Variants in PLPPR1 observed in about 807,000 individuals in gnomAD.
The protein encoded by PLPPR1 is phospholipid phosphatase-related protein type 1.
Under a neutral mutation model 33.1 loss-of-function variants are expected in PLPPR1, and 10 were observed. The observed-to-expected ratio is 0.30, with a 90% confidence interval of 0.19 to 0.51. The LOEUF (loss-of-function observed/expected upper bound fraction) is 0.51. Ranked by LOEUF, PLPPR1 falls within the 20% of genes least tolerant of loss-of-function variation. PLPPR1 has a pLI of 0.97. For missense variants in PLPPR1, 304 were observed against 408.1 expected, an observed-to-expected ratio of 0.74 and a Z score of 2.20; for synonymous variants, 151 against 151.0, an observed-to-expected ratio of 1.00 and a Z score of 0.00.
intron 1 of PLPPR1, among the ~76,000 whole-genome samples, chr9:101,075,164 T>G (rs933686083): frequency 6.6e-6 from 1 of 152,214 alleles, no homozygotes; most frequent in Non-Finnish European, 1.5e-5. Flanking sequence ...GAAAACTGAA[T>G]TTTTCAAGTA....
intron 1 of PLPPR1, among the ~76,000 whole-genome samples, chr9:101,123,491 A>T (rs1215016324): frequency 6.6e-6 from 1 of 152,168 alleles, no homozygotes; most frequent in African/African-American, 2.4e-5. Context: ...TGGCGGAGTC[A>T]AAGGATTGAG....
At chr9:101,079,720 C>T (rs1362494733) in intron 1 of PLPPR1, among the ~76,000 whole-genome samples, 1 of 152,034 alleles carries the variant, frequency 6.6e-6, no homozygotes, top group Non-Finnish European at 1.5e-5. Context: ...GCTGGGATTA[C>T]AGGTGTGCGC....
intron 3 of PLPPR1, among the ~76,000 whole-genome samples, chr9:101,277,642 T>C (rs946257432): frequency 8.5e-5 from 13 of 152,176 alleles, no homozygotes; most frequent in African/African-American, 2.9e-4. Context: ...AGGGATCCTG[T>C]AGTAAAACTT....
intron 2 of PLPPR1, among the ~76,000 whole-genome samples, chr9:101,220,196 T>A (rs1456688053): frequency 6.6e-6 from 1 of 152,212 alleles, no homozygotes; most frequent in African/African-American, 2.4e-5. Flanking sequence ...CTTTGCCAAA[T>A]GTCCACTGAG....
At chr9:101,263,446 C>A (rs1412565862) in intron 2 of PLPPR1, among the ~76,000 whole-genome samples, 1 of 152,146 alleles carries the variant, frequency 6.6e-6, no homozygotes, top group Non-Finnish European at 1.5e-5. Context: ...CAACTTCTTG[C>A]TGATGCTAGC....
chr9:101,093,997 C>T (rs1046018545), intron 1 of PLPPR1, among the ~76,000 whole-genome samples: 1 of 152,204 alleles, frequency 6.6e-6, no homozygotes, highest in African/African-American at 2.4e-5. Flanking sequence ...CTCCCATCTG[C>T]AGCTCTCCTG....
intron 1 of PLPPR1, among the ~76,000 whole-genome samples, chr9:101,092,995 C>T (rs1379481874): frequency 6.6e-6 from 1 of 152,140 alleles, no homozygotes; most frequent in Non-Finnish European, 1.5e-5. Flanking sequence ...AATCTAATAG[C>T]ACTGTGGTCT....
intron 1 of PLPPR1, among the ~76,000 whole-genome samples, chr9:101,167,214 TACACACACACAC>T (rs745548060): frequency 1.5e-4 from 4 of 26,094 alleles, no homozygotes; most frequent in Non-Finnish European, 3.6e-4. Flanking sequence ...CACACACACA[TACACACACACAC>T]ACACACACTT....
At chr9:101,078,529 T>C (rs1373446429) in intron 1 of PLPPR1, among the ~76,000 whole-genome samples, 2 of 151,862 alleles carry the variant, frequency 1.3e-5, no homozygotes, top group African/African-American at 2.4e-5. Flanking sequence ...TTGGGACCTA[T>C]AAGTTAAAGT....
chr9:101,275,114 T>C (rs1017586683), intron 3 of PLPPR1, among the ~76,000 whole-genome samples: 1 of 152,316 alleles, frequency 6.6e-6, no homozygotes, highest in African/African-American at 2.4e-5. Context: ...CTGTTCTCTA[T>C]GGAGTATAAT....
intron 1 of PLPPR1, among the ~76,000 whole-genome samples, chr9:101,154,463 T>A (rs1249646920): frequency 6.6e-6 from 1 of 152,210 alleles, no homozygotes; most frequent in Non-Finnish European, 1.5e-5. Context: ...GAGGAATTTA[T>A]CCATTTCATC....
intron 4 of PLPPR1, among the ~76,000 whole-genome samples, chr9:101,300,683 C>A (rs754415251): frequency 3.3e-5 from 5 of 151,862 alleles, no homozygotes; most frequent in East Asian, 1.9e-4. Context: ...GAATTTGAAG[C>A]CTTCTAAAAA....
intron 2 of PLPPR1, 151 bp downstream of exon 2, chr9:101,185,708 AGT>A: frequency 1.8e-6 from 1 of 554,908 alleles, no homozygotes. Context: ...AACTATGCAA[AGT>A]GTTTCTTAAA....
Position 101,286,251 on chromosome 9 carries a change from G to C in PLPPR1, c.385+15G>C, listed in dbSNP as rs781038184. 1.1e-5 allele frequency: 17 copies of C among 1,599,784 alleles called. No individual in the cohort carries two copies. The East Asian group carries it at 3.6e-4, about 34-fold the overall frequency. Reference sequence around the variant, plus strand: ...AAGATTCACAGGTGAGTACAAGATGGTGCTGAACTAAGCTCTCACATAAAA... The same window carrying C: ...AAGATTCACAGGTGAGTACAAGATGCTGCTGAACTAAGCTCTCACATAAAA... On this transcript the variant is annotated intron_variant, in intron 4 of 7. Coordinates refer to ENST00000374874, the MANE Select transcript of PLPPR1 (RefSeq NM_207299.2).
At chr9:101,205,304 C>T (rs530666123) in intron 2 of PLPPR1, among the ~76,000 whole-genome samples, 1 of 152,194 alleles carries the variant, frequency 6.6e-6, no homozygotes, top group South Asian at 2.1e-4. Context: ...AAATAATTGC[C>T]CCACCTGATG....
intron 1 of PLPPR1, among the ~76,000 whole-genome samples, chr9:101,095,825 CATA>C (rs1830810369): frequency 6.6e-6 from 1 of 152,090 alleles, no homozygotes; most frequent in African/African-American, 2.4e-5. Flanking sequence ...AGGCTGAATT[CATA>C]ATAAGTTCTC....
At chr9:101,295,194 A>G (rs1278994801) in intron 4 of PLPPR1, among the ~76,000 whole-genome samples, 1 of 151,898 alleles carries the variant, frequency 6.6e-6, no homozygotes, top group African/African-American at 2.4e-5. Flanking sequence ...GTGAACTCCC[A>G]TTCACAATTG....
chr9:101,171,606 TAA>T (rs917019965), intron 1 of PLPPR1, among the ~76,000 whole-genome samples: 1 of 152,112 alleles, frequency 6.6e-6, no homozygotes, highest in Non-Finnish European at 1.5e-5. Flanking sequence ...TGCAACTCTC[TAA>T]AAGTGAACAA....
At chr9:101,250,419 T>C (rs191223420) in intron 2 of PLPPR1, among the ~76,000 whole-genome samples, 2 of 152,206 alleles carry the variant, frequency 1.3e-5, no homozygotes, top group Non-Finnish European at 2.9e-5. Context: ...GCAAAATCCA[T>C]TACATTCTTA....
Sources: allele counts gnomAD v4.1 joint callset (sites outside exome capture counted in the v4.1 genomes callset), GRCh38; gene constraint gnomAD v4.1.1; transcripts MANE v1.5; gene names NCBI Gene and HGNC (gene_info 2026-07-23, HGNC 2026-07-21).